The following RHBDD3 variants were observed in gnomAD, a reference collection of about 807,000 sequenced individuals.
RHBDD3 encodes rhomboid domain containing 3.
Under a neutral mutation model 32.3 loss-of-function variants are expected in RHBDD3, and 34 were observed. The observed-to-expected ratio is 1.05, with a 90% CI of 0.80 to 1.40. The LOEUF is 1.40. Among genes scored for constraint, RHBDD3 ranks in the 40% most tolerant of loss-of-function variants. The pLI is 0.00. For missense variants in RHBDD3, 482 were observed against 492.6 expected (o/e 0.98, Z 0.20); for synonymous variants, 249 against 239.1 (o/e 1.04, Z -0.38).
At position 29,264,471 on chromosome 22, in the gene RHBDD3, A is replaced by G. The variant is rs565169869; in HGVS notation, c.149-253T>C. 1.8e-5 allele frequency: 23 copies of G among 1,292,194 alleles called. No individual in the cohort carries two copies. In the African/African-American group the frequency reaches 3.3e-4, roughly 19 times the overall value. 80.0% of individuals were successfully genotyped at this position (1,292,194 alleles called of 1,614,324 possible). ...CGTGCCACTCAGTCTTTTCACTGACAACCCGCTACAGAGCACTCACTATGT... is the reference window on the plus strand; with the variant it reads ...CGTGCCACTCAGTCTTTTCACTGACGACCCGCTACAGAGCACTCACTATGT... On this transcript the variant is annotated intron_variant, in intron 3 of 6. Transcript: ENST00000216085.
At chr22:29,266,675 C>T (rs1015874209) in intron 2 of RHBDD3, among the ~76,000 whole-genome samples, 2 of 152,232 alleles carry the variant, frequency 1.3e-5, no homozygotes, top group Non-Finnish European at 2.9e-5. Flanking sequence ...AGCCTGTCCT[C>T]CAGGGCCTGT....
intron 2 of RHBDD3, among the ~76,000 whole-genome samples, chr22:29,266,262 C>G (rs1297119437): frequency 2.6e-5 from 4 of 152,230 alleles, no homozygotes; most frequent in Non-Finnish European, 5.9e-5. Context: ...CTGGCCCTGG[C>G]TCCCCTTTCC....
chr22:29,265,737 C>G lies in RHBDD3; in HGVS notation c.-42-69G>C, dbSNP rs969617962. The G allele has an allele frequency of 7.2e-6, 10 of 1,385,468 alleles. No individual in the cohort carries two copies. The Admixed American group carries it at 3.7e-4, about 51-fold the overall frequency. The allele number at this position is 1,385,468 out of a possible 1,614,324, so 85.8% of individuals were successfully genotyped here. On this transcript the variant is annotated intron_variant, in intron 2 of 6. Coordinates refer to ENST00000216085, the MANE Select transcript of RHBDD3 (RefSeq NM_012265.3). ...TATCTCACCAATACCCTCTCAAGCACCTTATCAACAGCCCTATTTTACAGA... is the reference window on the plus strand; with the variant it reads ...TATCTCACCAATACCCTCTCAAGCAGCTTATCAACAGCCCTATTTTACAGA...
chr22:29,260,994 G>T, intron 4 of RHBDD3, 130 bp from the exon 5 acceptor site: 1 of 900,692 alleles, frequency 1.1e-6, no homozygotes, highest in Non-Finnish European at 1.6e-6. Context: ...CTGTGGACCA[G>T]CATGGAATAG....
intron 4 of RHBDD3, among the ~76,000 whole-genome samples, chr22:29,262,361 A>T (rs1309297839): frequency 6.6e-6 from 1 of 151,722 alleles, no homozygotes. Flanking sequence ...CTGGTCCTGA[A>T]CTCCTGACCT....
At chr22:29,262,831 C>G (rs1040494309) in intron 4 of RHBDD3, among the ~76,000 whole-genome samples, 5 of 151,706 alleles carry the variant, frequency 3.3e-5, no homozygotes, top group African/African-American at 7.3e-5. Context: ...CTCAGTCTCC[C>G]AAGTAGCTGG....
rs1569021834 is a variant in RHBDD3, at chr22:29,265,479, C to A, written c.148G>T (p.Val50Leu). Residue 50 changes from valine (V) to leucine (L), a missense_variant and splice_region_variant, in exon 3 of 7, where the codon GTG becomes TTG. Transcript: ENST00000216085. ...CAAGGTCCACGTGGCTGGCCCTCACCCTGCCAGGGGTCCAGCAACAGCTCC... is the reference window on the plus strand; with the variant it reads ...CAAGGTCCACGTGGCTGGCCCTCACACTGCCAGGGGTCCAGCAACAGCTCC... ...APELLLDPWQVHRLLTHALGH... is the reference protein window; with the variant it reads ...APELLLDPWQLHRLLTHALGH... 6.5e-7 allele frequency: 1 copy of A among 1,527,518 alleles called. No homozygotes were observed. The highest frequency in any genetic ancestry group is 1.3e-5 in the South Asian group (1 of 79,134). 94.6% of individuals were successfully genotyped at this position (1,527,518 alleles called of 1,614,324 possible). A position where few individuals can be genotyped will look rare whatever the true frequency, so the allele number is the denominator to read the frequency against.
intron 4 of RHBDD3, among the ~76,000 whole-genome samples, chr22:29,261,622 A>G (rs1196503007): frequency 1.3e-5 from 2 of 152,132 alleles, no homozygotes; most frequent in Non-Finnish European, 2.9e-5. Flanking sequence ...TCTCAGAAGC[A>G]GAACACCAAT....
chr22:29,261,066 C>G (rs2058111690), intron 4 of RHBDD3: 1 of 631,012 alleles, frequency 1.6e-6, no homozygotes, highest in Non-Finnish European at 2.7e-6. Flanking sequence ...AGCTACTCAG[C>G]CAAACAGAGC....
rs1467680295 is a variant in RHBDD3, at chr22:29,259,979, C to CA, written c.*80dup. On this transcript the variant is annotated 3_prime_UTR_variant, in exon 7 of 7. Coordinates refer to ENST00000216085, the MANE Select transcript of RHBDD3 (RefSeq NM_012265.3). ...GCTCCCCACTGTGGCCCTCTTTAGACAGAGTAGGAGCTCGGGCTACCCACA... is the reference window on the plus strand; with the variant it reads ...GCTCCCCACTGTGGCCCTCTTTAGACAAGAGTAGGAGCTCGGGCTACCCACA... The CA allele has an allele frequency of 7.0e-7, 1 of 1,431,968 alleles. No individual in the cohort carries two copies. The highest frequency in any genetic ancestry group is 1.4e-5 in the African/African-American group (1 of 70,974). The allele number at this position is 1,431,968 out of a possible 1,614,324, so 88.7% of individuals were successfully genotyped here.
At chr22:29,261,611 AT>A (rs1427607426) in intron 4 of RHBDD3, among the ~76,000 whole-genome samples, 1 of 152,070 alleles carries the variant, frequency 6.6e-6, no homozygotes, top group Admixed American at 6.5e-5. Context: ...TAAAAAAAAA[AT>A]CTCAGAAGCA....
intron 2 of RHBDD3, among the ~76,000 whole-genome samples, chr22:29,267,054 G>A (rs541593088): frequency 2.6e-5 from 4 of 152,124 alleles, no homozygotes; most frequent in South Asian, 2.1e-4. Flanking sequence ...CATTCCCCAG[G>A]GTATTCACAG....
At position 29,263,854 on chromosome 22, in the gene RHBDD3, GC is replaced by G. The variant is rs771571715; in HGVS notation, c.512del (p.Gly171AlafsTer41). 1,211 of 1,537,890 alleles carry G rather than the reference GC, an allele frequency of 7.9e-4. 11 individuals carry two copies. The highest frequency in any genetic ancestry group is 6.5e-3 in the Middle Eastern group (38 of 5,868). On this transcript the variant is annotated frameshift_variant, in exon 4 of 7. Transcript: ENST00000216085. LOFTEE classifies it high-confidence loss of function. ...SEPPFLQLLC[G>X]LLAGLAYAAG... ...GGATACAGGCCAGGCCGGCAAGGAG[GC>G]CGCAAAGGAGCTGCAGGAAGGGTGG...
chr22:29,266,191 C>G (rs2146526123), intron 2 of RHBDD3, among the ~76,000 whole-genome samples: 1 of 152,284 alleles, frequency 6.6e-6, no homozygotes, highest in African/African-American at 2.4e-5. Context: ...TGAGACATCC[C>G]CTTTGAGGGT....
chr22:29,260,658 A>C lies in RHBDD3; in HGVS notation c.695+44T>G, dbSNP rs2058103326. ...AGAGGGCCTGACTGGCAGCCCTGCCACAGTGCCCACCACCTGGACTGGCAT... is the reference window on the plus strand; with the variant it reads ...AGAGGGCCTGACTGGCAGCCCTGCCCCAGTGCCCACCACCTGGACTGGCAT... On this transcript the variant is annotated intron_variant, in intron 5 of 6. Transcript: ENST00000216085. 4 of 1,555,234 alleles carry C rather than the reference A, an allele frequency of 2.6e-6. No homozygotes were observed. In the Admixed American group the frequency reaches 7.5e-5, roughly 29 times the overall value.
rs1280694573 is a variant in RHBDD3, at chr22:29,260,467, C to G, written c.842G>C (p.Ser281Thr). Residue 281 changes from serine to threonine, a missense_variant, in exon 6 of 7, where the codon AGC (serine) becomes ACC (threonine). Physicochemically the swap from Ser to Thr is moderately conservative, Grantham distance 58. Transcript: ENST00000216085. ...SEAGLDWAGASFSPGTPMWAA... is the reference protein window; with the variant it reads ...SEAGLDWAGATFSPGTPMWAA... ...CCACATCGGAGTCCCTGGGGAGAAG[C>G]TGGCCCCAGCCCAGTCCAGGCCTGC... 1.9e-6 allele frequency: 3 copies of G among 1,609,032 alleles called. No homozygotes were observed. Among genetic ancestry groups the G allele is most frequent in the Non-Finnish European group, 2.5e-6 (3 of 1,178,898 alleles).
At chr22:29,261,224 G>A in intron 4 of RHBDD3, 1 of 519,056 alleles carries the variant, frequency 1.9e-6, no homozygotes, top group East Asian at 5.4e-5. Context: ...AGACAGGCCT[G>A]GATAACTCCT....
rs555148993 is a variant in RHBDD3 at position 29,265,882 on chromosome 22, G to A, written c.-42-214C>T. Among the ~76,000 whole-genome samples the A allele has an allele frequency of 2.6e-5, 4 of 152,152 alleles. 1 individual carries two copies. Among genetic ancestry groups the A allele is most frequent in the African/African-American group, 7.2e-5 (3 of 41,518 alleles). On this transcript the variant is annotated intron_variant, in intron 2 of 6. Transcript: ENST00000216085. ...TCACCTCTGTTTAAGGACTGGCAGG[G>A]GACAGGCATAGAGACTTCTGAGTCC...
intron 4 of RHBDD3, 172 bp from the exon 5 acceptor site, chr22:29,261,036 A>G (rs1420668247): frequency 1.0e-5 from 7 of 700,610 alleles, no homozygotes; most frequent in Non-Finnish European, 1.4e-5. Flanking sequence ...AGGCTCAGAA[A>G]GGAAAAGGGA....
Sources: gnomAD v4.1 joint callset for allele counts (sites outside exome capture counted in the v4.1 genomes callset) on GRCh38, gnomAD v4.1.1 for gene constraint, MANE v1.5 for transcripts, NCBI Gene and HGNC (gene_info 2026-07-23, HGNC 2026-07-21) for gene names.